Variants in ADGRB3 observed in about 807,000 individuals in gnomAD.
ADGRB3 encodes adhesion G protein-coupled receptor B3.
ADGRB3 carries 37 observed loss-of-function variants against 193.4 expected under a neutral mutation model. The ratio of observed to expected loss-of-function variants is 0.19; its 90% CI spans 0.15 to 0.25. The LOEUF (loss-of-function observed/expected upper bound fraction) is 0.25, where lower values mean the gene tolerates loss of function less well. ADGRB3 is among the 10% of genes least tolerant of loss of function. ADGRB3 has a pLI of 1.00. For missense variants in ADGRB3, 1,637 were observed against 1,852.9 expected, an observed-to-expected ratio of 0.88 and a Z score of 2.14; for synonymous variants, 690 against 644.2, an observed-to-expected ratio of 1.07 and a Z score of -1.08.
chr6:68,722,600 T>C (rs947773779), intron 3 of ADGRB3, among the ~76,000 whole-genome samples: 1 of 146,250 alleles, frequency 6.8e-6, no homozygotes, highest in Non-Finnish European at 1.5e-5. Flanking sequence ...AATTTATTTC[T>C]TTTTCTTTTT....
intron 13 of ADGRB3, among the ~76,000 whole-genome samples, chr6:69,024,411 G>A (rs548445994): frequency 6.6e-6 from 1 of 152,252 alleles, no homozygotes; most frequent in Admixed American, 6.5e-5. Context: ...AAATGTTCAA[G>A]CTCTTTATGT....
At chr6:69,356,019 A>G (rs1488139243) in intron 28 of ADGRB3, among the ~76,000 whole-genome samples, 159 bp downstream of exon 28, 1 of 152,190 alleles carries the variant, frequency 6.6e-6, no homozygotes, top group Non-Finnish European at 1.5e-5. Flanking sequence ...GAGCTGAGAA[A>G]CCAAAGAACG....
chr6:68,844,866 C>G (rs905172699), intron 3 of ADGRB3, among the ~76,000 whole-genome samples: 2 of 152,024 alleles, frequency 1.3e-5, no homozygotes, highest in Non-Finnish European at 2.9e-5. Flanking sequence ...ATGTCAGGCA[C>G]AGAAAAACAA....
chr6:68,730,826 T>C (rs2127331758), intron 3 of ADGRB3, among the ~76,000 whole-genome samples: 1 of 151,780 alleles, frequency 6.6e-6, no homozygotes, highest in South Asian at 2.1e-4. Flanking sequence ...TATCCCAGTT[T>C]TCAATTAGCC....
At chr6:69,076,646 A>G (rs541953627) in intron 17 of ADGRB3, among the ~76,000 whole-genome samples, 1 of 152,172 alleles carries the variant, frequency 6.6e-6, no homozygotes, top group Non-Finnish European at 1.5e-5. Flanking sequence ...CCTTTATTTT[A>G]TTGATAATCC....
intron 3 of ADGRB3, among the ~76,000 whole-genome samples, chr6:68,917,281 G>A (rs748962257): frequency 4.6e-5 from 7 of 152,180 alleles, no homozygotes; most frequent in Non-Finnish European, 1.0e-4. Flanking sequence ...CACCATTTAA[G>A]CACTTCCAGT....
At chr6:69,240,012 T>C (rs1485118205) in intron 20 of ADGRB3, among the ~76,000 whole-genome samples, 1 of 152,088 alleles carries the variant, frequency 6.6e-6, no homozygotes, top group African/African-American at 2.4e-5. Flanking sequence ...ATTTTTTTAA[T>C]TTTCAAATAC....
At chr6:69,013,542 T>C (rs968477226) in intron 11 of ADGRB3, among the ~76,000 whole-genome samples, 1 of 152,126 alleles carries the variant, frequency 6.6e-6, no homozygotes, top group African/African-American at 2.4e-5. Context: ...AAAAGTATAA[T>C]GGCCAGGAAG....
At chr6:69,295,082 G>A (rs1358037856) in intron 20 of ADGRB3, among the ~76,000 whole-genome samples, 1 of 152,114 alleles carries the variant, frequency 6.6e-6, no homozygotes, top group African/African-American at 2.4e-5. Flanking sequence ...CCAACATTTG[G>A]CAACAGAGGG....
chr6:69,206,723 A>G (rs893796159), intron 17 of ADGRB3, among the ~76,000 whole-genome samples: 12 of 152,200 alleles, frequency 7.9e-5, no homozygotes, highest in Non-Finnish European at 1.5e-4. Flanking sequence ...AGAAGGAGAA[A>G]ATACTCATGA....
At chr6:68,854,527 A>G (rs772839956) in intron 3 of ADGRB3, among the ~76,000 whole-genome samples, 7 of 150,968 alleles carry the variant, frequency 4.6e-5, no homozygotes, top group Non-Finnish European at 1.0e-4. Context: ...AAATTTTAAA[A>G]ATCTAAAAAA....
Position 69,323,453 on chromosome 6 carries a change from C to CTGCAT in ADGRB3, c.2815-1417_2815-1413dup, listed in dbSNP as rs555908505. Among the ~76,000 whole-genome samples the CTGCAT allele has an allele frequency of 1.6e-4, 25 of 152,108 alleles. No individual in the cohort carries two copies. The East Asian group carries it at 4.6e-3, about 28-fold the overall frequency. On this transcript the variant is annotated intron_variant, in intron 20 of 31. Transcript: ENST00000370598. ...GAGGAATTACAATTGGTTAAAGCTA[C>CTGCAT]TGCATTATACCTGAGACTAGAGTAT...
At chr6:69,346,666 C>A (rs1769095024) in intron 26 of ADGRB3, among the ~76,000 whole-genome samples, 1 of 152,150 alleles carries the variant, frequency 6.6e-6, no homozygotes, top group Admixed American at 6.5e-5. Context: ...CCGTCTCATG[C>A]CAGTTAGAAT....
intron 17 of ADGRB3, among the ~76,000 whole-genome samples, chr6:69,162,567 C>T (rs571011071): frequency 2.0e-4 from 31 of 152,194 alleles, no homozygotes; most frequent in African/African-American, 7.5e-4. Flanking sequence ...AAATGCCTTT[C>T]TCTCTCTCTT....
Position 68,639,411 on chromosome 6 carries a change from G to A in ADGRB3, c.736G>A (p.Ala246Thr). 2 of 1,609,584 alleles carry A rather than the reference G, an allele frequency of 1.2e-6. No individual in the cohort carries two copies. Among genetic ancestry groups the A allele is most frequent in the Non-Finnish European group, 1.7e-6 (2 of 1,177,866 alleles). The change falls in exon 3 of 32, where the codon GCC (alanine) becomes ACC (threonine). Residue 246 changes from alanine (A) to threonine (T), a missense_variant. Coordinates refer to ENST00000370598, the MANE Select transcript of ADGRB3 (RefSeq NM_001704.3). ...TTQVCNLTREAKRPPKEEFGM... is the reference protein window; with the variant it reads ...TTQVCNLTRETKRPPKEEFGM... ...CCAAGTCTGCAATCTTACCAGGGAG[G>A]CCAAGCGACCACCCAAAGAAGGTAA...
intron 3 of ADGRB3, among the ~76,000 whole-genome samples, chr6:68,834,464 T>TA (rs975480666): frequency 6.6e-6 from 1 of 152,142 alleles, no homozygotes; most frequent in African/African-American, 2.4e-5. Flanking sequence ...TAATTTTCTA[T>TA]AAAAAATCTA....
intron 3 of ADGRB3, among the ~76,000 whole-genome samples, chr6:68,847,151 G>T (rs1403244903): frequency 2.0e-5 from 3 of 152,040 alleles, no homozygotes; most frequent in Admixed American, 2.0e-4. Context: ...TCTCCCATTT[G>T]GAATGGCTGT....
At chr6:69,032,849 A>G (rs1268024016) in intron 13 of ADGRB3, among the ~76,000 whole-genome samples, 4 of 152,134 alleles carry the variant, frequency 2.6e-5, no homozygotes, top group African/African-American at 7.2e-5. Flanking sequence ...CTATACCATG[A>G]CTAACTAGCC....
chr6:68,929,758 A>G (rs933876172), intron 3 of ADGRB3, among the ~76,000 whole-genome samples: 2 of 152,122 alleles, frequency 1.3e-5, no homozygotes, highest in African/African-American at 4.8e-5. Flanking sequence ...AATTTTTAAA[A>G]ATATGTTATA....
Sources: gnomAD v4.1 joint callset for allele counts (sites outside exome capture counted in the v4.1 genomes callset) on GRCh38, gnomAD v4.1.1 for gene constraint, MANE v1.5 for transcripts, NCBI Gene and HGNC (gene_info 2026-07-23, HGNC 2026-07-21) for gene names.